TAFA5: variants seen among roughly 807,000 people sequenced by gnomAD.
TAFA5 encodes the protein TAFA chemokine like family member 5.
A neutral mutation model predicts 15.3 loss-of-function variants in TAFA5; 6 were observed. The ratio of observed to expected loss-of-function variants is 0.39; its 90% CI spans 0.21 to 0.77. The LOEUF (loss-of-function observed/expected upper bound fraction) is 0.77. TAFA5 is among the 30% of genes least tolerant of loss of function. The pLI is 0.41. For synonymous variants in TAFA5, 103 were observed against 80.7 expected (o/e 1.28, Z -1.48); for missense variants, 161 against 193.1 (o/e 0.83, Z 0.98).
chr22:48,562,182 G>GGC (rs767002094), intron 1 of TAFA5, among the ~76,000 whole-genome samples: 16,732 of 152,010 alleles, frequency 0.11, 1,597 homozygotes, highest in African/African-American at 0.25. Context: ...CTGTCGCCCA[G>GGC]GTTGGAGTGC....
At chr22:48,571,271 C>CTTTTTTTTTTTTTTTTTTTTTTTTT (rs869050468) in intron 1 of TAFA5, among the ~76,000 whole-genome samples, 1 of 97,668 alleles carries the variant, frequency 1.0e-5, no homozygotes, top group Non-Finnish European at 2.0e-5. Context: ...TTGTTGTTTG[C>CTTTTTTTTTTTTTTTTTTTTTTTTT]TTTTTTTTTT....
chr22:48,593,405 G>A (rs976191995), intron 1 of TAFA5, among the ~76,000 whole-genome samples: 5 of 152,112 alleles, frequency 3.3e-5, no homozygotes, highest in Non-Finnish European at 5.9e-5. Context: ...TGAAGGGGAC[G>A]TGTCTTTTCA....
chr22:48,650,950 G>A (rs760491944), intron 2 of TAFA5, among the ~76,000 whole-genome samples: 10 of 152,218 alleles, frequency 6.6e-5, no homozygotes, highest in Admixed American at 5.9e-4. Context: ...GCTGGGTCCC[G>A]CAGCCACCAC....
chr22:48,498,937 G>C (rs1218233258), intron 1 of TAFA5, among the ~76,000 whole-genome samples: 9 of 152,202 alleles, frequency 5.9e-5, no homozygotes, highest in African/African-American at 2.2e-4. Context: ...CTCCACTTCT[G>C]CAGCTGGACG....
intron 1 of TAFA5, among the ~76,000 whole-genome samples, chr22:48,610,023 C>G (rs1390340883): frequency 1.3e-5 from 2 of 152,230 alleles, no homozygotes; most frequent in Non-Finnish European, 2.9e-5. Flanking sequence ...GTGACAGTTA[C>G]AGGCCTCAGG....
chr22:48,653,334 C>T (rs1436635897), intron 2 of TAFA5, among the ~76,000 whole-genome samples: 1 of 152,162 alleles, frequency 6.6e-6, no homozygotes, highest in Admixed American at 6.5e-5. Context: ...AGAGACCCTG[C>T]CCCCGGTTCC....
At chr22:48,699,137 T>C (rs552803250) in intron 2 of TAFA5, among the ~76,000 whole-genome samples, 3 of 152,038 alleles carry the variant, frequency 2.0e-5, no homozygotes, top group Non-Finnish European at 4.4e-5. Flanking sequence ...TTCACCATGT[T>C]GGCCAGGCTG....
chr22:48,709,701 C>T (rs978360046), intron 3 of TAFA5, among the ~76,000 whole-genome samples: 1 of 152,224 alleles, frequency 6.6e-6, no homozygotes, highest in Non-Finnish European at 1.5e-5. Context: ...CCTTCAGGAA[C>T]GAACTCGGAT....
chr22:48,671,343 T>C (rs1298126966), intron 2 of TAFA5, among the ~76,000 whole-genome samples: 1 of 152,226 alleles, frequency 6.6e-6, no homozygotes, highest in Admixed American at 6.5e-5. Context: ...CTTTCACCTG[T>C]CTTTCTCTGC....
In TAFA5 at chr22:48,550,718, C is replaced by T. The variant is rs529597228; in HGVS notation, c.112+61014C>T. On this transcript the variant is annotated intron_variant, in intron 1 of 3. Coordinates refer to ENST00000402357, the MANE Select transcript of TAFA5 (RefSeq NM_001082967.3). The surrounding 1 kb of genome is among the most constrained non-coding windows in gnomAD (Gnocchi z 4.1). The stretch of plus-strand genomic sequence containing the variant: ...CCACACAGTGGTTGGGTGTGGAGTC[C>T]GGACAAGGTACATCCTGATCCAGGG... 3.2e-4 allele frequency among the ~76,000 whole-genome samples: 49 copies of T among 152,150 alleles called. No homozygotes were observed. The South Asian group carries it at 3.5e-3, about 11-fold the overall frequency.
At chr22:48,728,325 T>C (rs1929767031) in intron 3 of TAFA5, among the ~76,000 whole-genome samples, 1 of 152,238 alleles carries the variant, frequency 6.6e-6, no homozygotes, top group African/African-American at 2.4e-5. Context: ...TTGAAAGTTT[T>C]AATAAAAGAA....
intron 3 of TAFA5, among the ~76,000 whole-genome samples, chr22:48,735,060 G>A (rs1300927861): frequency 6.6e-6 from 1 of 152,194 alleles, no homozygotes; most frequent in Admixed American, 6.5e-5. Context: ...GTGCACCTAG[G>A]CACTCAGGTA....
intron 1 of TAFA5, among the ~76,000 whole-genome samples, chr22:48,506,351 G>A (rs1367207994): frequency 6.6e-6 from 1 of 152,224 alleles, no homozygotes; most frequent in South Asian, 2.1e-4. Context: ...TGCTCCATGG[G>A]GGAACATGGG....
intron 1 of TAFA5, among the ~76,000 whole-genome samples, chr22:48,585,606 A>G (rs139741667): frequency 6.6e-6 from 1 of 151,130 alleles, no homozygotes; most frequent in East Asian, 2.0e-4. Flanking sequence ...GATACCACAC[A>G]CAACAAAATA....
At chr22:48,588,222 G>A (rs184277037) in intron 1 of TAFA5, among the ~76,000 whole-genome samples, 3 of 152,324 alleles carry the variant, frequency 2.0e-5, no homozygotes, top group Non-Finnish European at 2.9e-5. Context: ...GGTGAGAGGG[G>A]CCTGGCCATG....
At chr22:48,581,368 G>T (rs1279582523) in intron 1 of TAFA5, among the ~76,000 whole-genome samples, 3 of 152,242 alleles carry the variant, frequency 2.0e-5, no homozygotes, top group African/African-American at 7.2e-5. Context: ...GCACACTCGG[G>T]AGGATTGGAT....
chr22:48,602,774 A>G (rs1425685433), intron 1 of TAFA5, among the ~76,000 whole-genome samples: 2 of 152,060 alleles, frequency 1.3e-5, no homozygotes, highest in African/African-American at 4.8e-5. Flanking sequence ...CACCTGGTGA[A>G]GGAATAAGTC....
At chr22:48,597,946 C>G (rs968856521) in intron 1 of TAFA5, among the ~76,000 whole-genome samples, 1 of 152,192 alleles carries the variant, frequency 6.6e-6, no homozygotes, top group Non-Finnish European at 1.5e-5. Flanking sequence ...ACACAGGAGT[C>G]CCGGCCCTCC....
rs12165921 is a variant in TAFA5, at chr22:48,558,754, G to A, written c.112+69050G>A. Among the ~76,000 whole-genome samples, 623 of 152,334 alleles carry A rather than the reference G, an allele frequency of 4.1e-3. 4 individuals carry two copies. Among genetic ancestry groups the A allele is most frequent in the African/African-American group, 0.014 (587 of 41,588 alleles). On this transcript the variant is annotated intron_variant, in intron 1 of 3. Transcript: ENST00000402357. Reference sequence around the variant, plus strand: ...TTCAAGGGCCAGGATGGGGAGGGGCGTGACACGAGTGTGTGCCACAGAGGG... The same window carrying A: ...TTCAAGGGCCAGGATGGGGAGGGGCATGACACGAGTGTGTGCCACAGAGGG...
Sources: gnomAD v4.1 joint callset for allele counts (sites outside exome capture counted in the v4.1 genomes callset) on GRCh38, gnomAD v4.1.1 for gene constraint, Gnocchi (gnomAD v3.1) non-coding constraint, MANE v1.5 for transcripts, NCBI Gene and HGNC (gene_info 2026-07-23, HGNC 2026-07-21) for gene names.